The following ABCB6 variants were observed in gnomAD, a reference collection of about 807,000 sequenced individuals.
ABCB6 encodes ATP-binding cassette sub-family B member 6.
ABCB6 carries 87 observed loss-of-function variants against 99.4 expected under a neutral mutation model. The observed-to-expected ratio is 0.88, with a 90% CI of 0.74 to 1.05. The LOEUF (loss-of-function observed/expected upper bound fraction) is 1.05, where lower values mean the gene tolerates loss of function less well. ABCB6 is among the 50% of genes least tolerant of loss of function. ABCB6 has a pLI of 0.00. For synonymous variants in ABCB6, 482 were observed against 447.5 expected (o/e 1.08, Z -0.97); for missense variants, 1,050 against 1,097.9 (o/e 0.96, Z 0.62).
intron 2 of ABCB6, 110 bp downstream of exon 2, chr2:219,217,560 C>T (rs1300380893): frequency 2.3e-6 from 2 of 866,378 alleles, no homozygotes; most frequent in African/African-American, 3.5e-5. Context: ...AGGAGAATCG[C>T]TTGAACCCGG....
At chr2:219,211,460 G>A (rs988101363) in intron 14 of ABCB6, among the ~76,000 whole-genome samples, 4 of 151,908 alleles carry the variant, frequency 2.6e-5, no homozygotes, top group Non-Finnish European at 4.4e-5. Flanking sequence ...TTGAGACTAC[G>A]TCAAGCTAAT....
chr2:219,218,492 G>C lies in ABCB6; in HGVS notation c.182C>G (p.Ser61Trp), dbSNP rs777020402. The C allele has an allele frequency of 6.2e-7, 1 of 1,608,852 alleles. No homozygotes were observed. Among genetic ancestry groups the C allele is most frequent in the South Asian group, 1.1e-5 (1 of 90,760 alleles). The change falls in exon 1 of 19, where the codon TCG becomes TGG. Residue 61 changes from serine to tryptophan, a missense_variant. Physicochemically the swap from Ser to Trp is radical, Grantham distance 177. Transcript: ENST00000265316. ...RRRERPAGADSLSWGAGPRIS... is the reference protein window; with the variant it reads ...RRRERPAGADWLSWGAGPRIS... ...GCGAGGGCCGGCCCCCCAAGACAGC[G>C]AATCAGCACCAGCGGGCCGCTCCCG...
Position 219,216,246 on chromosome 2 carries a change from ATG to A in ABCB6, c.971-68_971-67del. On this transcript the variant is annotated intron_variant, in intron 4 of 18. Coordinates refer to ENST00000265316, the MANE Select transcript of ABCB6 (RefSeq NM_005689.4). This position sits in a 1 kb window ranked among gnomAD's most constrained non-coding sequence, Gnocchi z 4.2. ...TGAGGGACGTCAGCCCAGCACCAGGATGTGAAAGGTCTGAGAGTACATGGGGG... is the reference window on the plus strand; with the variant it reads ...TGAGGGACGTCAGCCCAGCACCAGGATGAAAGGTCTGAGAGTACATGGGGG... 6.4e-7 allele frequency: 1 copy of A among 1,570,020 alleles called. No individual in the cohort carries two copies. Among genetic ancestry groups the A allele is most frequent in the Non-Finnish European group, 8.7e-7 (1 of 1,153,324 alleles).
rs747584957 is a variant in ABCB6, at chr2:219,211,089, C to T, written c.1988G>A (p.Arg663Gln). Residue 663 changes from arginine (R) to glutamine (Q), a missense_variant, in exon 15 of 19, where the codon CGG becomes CAG. Physicochemically the swap from Arg to Gln is conservative, Grantham distance 43 (BLOSUM62 1). Transcript: ENST00000265316. ...DISQVTQASL[R>Q]SHIGVVPQDT... is the part of the protein sequence containing the mutation. ...TTGGGGCACAACTCCAATGTGAGAC[C>T]GGAGAGAGGCCTGGGTCACCTAGGG... is the stretch of plus-strand genomic sequence containing the variant. The T allele has an allele frequency of 2.7e-5, 43 of 1,613,962 alleles. No individual in the cohort carries two copies. The Admixed American group carries it at 4.3e-4, about 16-fold the overall frequency.
In ABCB6 at chr2:219,213,966, A is replaced by G. The variant is rs1950609231; in HGVS notation, c.1453-15T>C. 5 of 1,613,816 alleles carry G rather than the reference A, an allele frequency of 3.1e-6. No homozygotes were observed. The highest frequency in any genetic ancestry group is 4.2e-6 in the Non-Finnish European group (5 of 1,179,994). On this transcript the variant is annotated splice_polypyrimidine_tract_variant and intron_variant, in intron 8 of 18. Coordinates refer to ENST00000265316, the MANE Select transcript of ABCB6 (RefSeq NM_005689.4). The stretch of plus-strand genomic sequence containing the variant: ...CACTCCAAACCCTGAGGGCAATAAC[A>G]CAGGAAGAGGAATGTCCTATACACA...
In ABCB6 at chr2:219,209,818, C is replaced by T. The variant is rs1023094614; in HGVS notation, c.*120G>A. On this transcript the variant is annotated 3_prime_UTR_variant, in exon 19 of 19. Transcript: ENST00000265316. Reference sequence around the variant, plus strand: ...CCCAAAAGATGTTTTTCGGAAAGGTCCCTTTCCCTTACCATAGCTAGCACC... The same window carrying T: ...CCCAAAAGATGTTTTTCGGAAAGGTTCCTTTCCCTTACCATAGCTAGCACC... The T allele has an allele frequency of 5.0e-6, 4 of 801,228 alleles. No homozygotes were observed. The highest frequency in any genetic ancestry group is 8.6e-6 in the Non-Finnish European group (4 of 464,434). 49.6% of individuals were successfully genotyped at this position (801,228 alleles called of 1,614,324 possible). A position where few individuals can be genotyped will look rare whatever the true frequency, so the allele number is the denominator to read the frequency against.
At chr2:219,211,226 G>A in intron 14 of ABCB6, 118 bp from the exon 15 acceptor site, 2 of 1,065,192 alleles carry the variant, frequency 1.9e-6, no homozygotes, top group Non-Finnish European at 1.4e-6. Flanking sequence ...CACCATCACT[G>A]CCCCATATCC....
At position 219,210,056 on chromosome 2, in the gene ABCB6, G is replaced by T; in HGVS notation, c.2421-10C>A. 1.9e-6 allele frequency: 3 copies of T among 1,613,108 alleles called. No individual in the cohort carries two copies. Among genetic ancestry groups the T allele is most frequent in the Non-Finnish European group, 2.5e-6 (3 of 1,179,230 alleles). ...CAACAGAGCCTCGTGTCTGGGGTGA[G>T]GAGAAAAGTGTGAGTCCTAACCATT... On this transcript the variant is annotated splice_polypyrimidine_tract_variant and intron_variant, in intron 18 of 18. Coordinates refer to ENST00000265316, the MANE Select transcript of ABCB6 (RefSeq NM_005689.4).
rs149363094 is a variant in ABCB6 at position 219,213,842 on chromosome 2, G to C, written c.1562C>G (p.Thr521Ser). 4.5e-3 allele frequency: 7,320 copies of C among 1,614,146 alleles called. 35 individuals are homozygous for C. The highest frequency in any genetic ancestry group is 0.018 in the African/African-American group (1,319 of 75,040). Residue 521 changes from threonine (T) to serine (S), a missense_variant, in exon 9 of 19, where the codon ACT becomes AGT. Transcript: ENST00000265316. ...CTGCCTCACCTGTAGCTTCTGCTCAGTGACAAAGTATGCGCAAAGCAGGGA... is the reference window on the plus strand; with the variant it reads ...CTGCCTCACCTGTAGCTTCTGCTCACTGACAAAGTATGCGCAAAGCAGGGA... ...AGSLLCAYFVTEQKLQVGDYV... is the reference protein window; with the variant it reads ...AGSLLCAYFVSEQKLQVGDYV...
chr2:219,210,350 C>T, intron 17 of ABCB6, 31 bp downstream of exon 17: 1 of 1,614,224 alleles, frequency 6.2e-7, no homozygotes, highest in Non-Finnish European at 8.5e-7. Context: ...CGGGCCACAT[C>T]ACCAGCCGCC....
At chr2:219,214,658 A>C (rs1950618027) in intron 6 of ABCB6, 160 bp from the exon 7 acceptor site, 1 of 650,052 alleles carries the variant, frequency 1.5e-6, no homozygotes, top group South Asian at 1.9e-5. Flanking sequence ...ACAAAGTCTC[A>C]TGTGTAGAAA....
Position 219,211,059 on chromosome 2 carries a change from GTGTCTTGGGGCACAACTCCAA to G in ABCB6, c.1997_2017del (p.Ile666_Asp672del), listed in dbSNP as rs1950572620. 1.2e-6 allele frequency: 2 copies of G among 1,614,064 alleles called. No individual in the cohort carries two copies. The highest frequency in any genetic ancestry group is 2.7e-5 in the African/African-American group (2 of 74,940). The stretch of plus-strand genomic sequence containing the variant: ...GGCGATGGTGTCATTAAAGAGGACA[GTGTCTTGGGGCACAACTCCAA>G]TGTGAGACCGGAGAGAGGCCTGGGT... On this transcript the variant is annotated inframe_deletion, in exon 15 of 19. Coordinates refer to ENST00000265316, the MANE Select transcript of ABCB6 (RefSeq NM_005689.4).
rs1220683508 is a variant in ABCB6, at chr2:219,210,814, G to A, written c.2153C>T (p.Thr718Ile). The change falls in exon 16 of 19, where the codon ACA becomes ATA. Residue 718 changes from threonine (T) to isoleucine (I), a missense_variant. By Grantham distance (89) the Thr-to-Ile change is moderately conservative. Coordinates refer to ENST00000265316, the MANE Select transcript of ABCB6 (RefSeq NM_005689.4). Reference protein sequence around the residue: ...AIMAFPEGYRTQVGERGLKLS... With the variant: ...AIMAFPEGYRIQVGERGLKLS... ...CTTCAGTCCCCGCTCGCCCACCTGT[G>A]TCCTGTACCCTGTGGATATTACCCA... is the stretch of plus-strand genomic sequence containing the variant. 2.5e-6 allele frequency: 4 copies of A among 1,613,818 alleles called. No homozygotes were observed. Among genetic ancestry groups the A allele is most frequent in the Non-Finnish European group, 3.4e-6 (4 of 1,179,994 alleles).
intron 18 of ABCB6, 58 bp downstream of exon 18, chr2:219,210,172 C>T (rs1950557626): frequency 6.2e-7 from 1 of 1,609,156 alleles, no homozygotes; most frequent in African/African-American, 1.3e-5. Flanking sequence ...ACTTCATGCC[C>T]CCTTTCCTGG....
At chr2:219,215,939 C>T (rs765256862) in intron 5 of ABCB6, 58 bp downstream of exon 5, 121 of 1,469,870 alleles carry the variant, frequency 8.2e-5, no homozygotes, top group Non-Finnish European at 1.1e-4. Context: ...TCCCACGGGC[C>T]CCTATCCCTG....
intron 16 of ABCB6, 25 bp from the exon 17 acceptor site, chr2:219,210,500 T>A (rs1164834555): frequency 6.2e-7 from 1 of 1,608,572 alleles, no homozygotes; most frequent in Admixed American, 1.7e-5. Context: ...CAGGTAAAAC[T>A]GCTCCTGCCA....
At position 219,218,455 on chromosome 2, in the gene ABCB6, G is replaced by T. The variant is rs200690459; in HGVS notation, c.219C>A (p.Tyr73Ter). 5 of 1,609,024 alleles carry T rather than the reference G, an allele frequency of 3.1e-6. No homozygotes were observed. The highest frequency in any genetic ancestry group is 4.2e-6 in the Non-Finnish European group (5 of 1,178,190). Residue 73 changes from tyrosine (Y) to a stop codon, truncating the protein, a stop_gained, in exon 1 of 19, where the codon TAC (tyrosine) becomes TAA (stop). Transcript: ENST00000265316. LOFTEE classifies it high-confidence loss of function. ...GTGTGGCCAGAAGCAGCTGCAGCAC[G>T]TAGGGAGAGATGCGAGGGCCGGCCC... Reference protein sequence around the residue: ...SWGAGPRISPYVLQLLLATLQ... With the variant: ...SWGAGPRISP
At chr2:219,214,066 A>G in intron 8 of ABCB6, 55 bp downstream of exon 8, 1 of 1,613,366 alleles carries the variant, frequency 6.2e-7, no homozygotes, top group Non-Finnish European at 8.5e-7. Context: ...TTGGCCCTGA[A>G]AATTCTACCA....
At position 219,210,694 on chromosome 2, in the gene ABCB6, G is replaced by A; in HGVS notation, c.2256+17C>T. The stretch of plus-strand genomic sequence containing the variant: ...CATACACAAGGCAGGAAGGAGGGGA[G>A]GAGACCCAGGGCGCACCTCATCCAG... On this transcript the variant is annotated intron_variant, in intron 16 of 18. Transcript: ENST00000265316. The A allele has an allele frequency of 1.9e-6, 3 of 1,613,298 alleles. No homozygotes were observed. Among genetic ancestry groups the A allele is most frequent in the South Asian group, 1.1e-5 (1 of 91,062 alleles).
Sources: allele counts gnomAD v4.1 joint callset (sites outside exome capture counted in the v4.1 genomes callset), GRCh38; gene constraint gnomAD v4.1.1; non-coding constraint Gnocchi (gnomAD v3.1); transcripts MANE v1.5; gene names NCBI Gene and HGNC (gene_info 2026-07-23, HGNC 2026-07-21).